The following LSAMP variants were observed in gnomAD, a reference collection of about 807,000 sequenced individuals.
LSAMP encodes limbic system-associated membrane protein.
In LSAMP, 7 loss-of-function variants were observed where a neutral mutation model predicts 38.6. That is an observed-to-expected ratio of 0.18 (90% CI 0.10 to 0.34). LSAMP has a LOEUF of 0.34. Ranked by LOEUF, LSAMP falls within the 10% of genes least tolerant of loss-of-function variation. The pLI is 1.00. For missense variants in LSAMP, 313 were observed against 420.0 expected (o/e 0.75, Z 2.23); for synonymous variants, 154 against 166.8 (o/e 0.92, Z 0.59).
intron 6 of LSAMP, among the ~76,000 whole-genome samples, chr3:115,824,934 G>C (rs1160443490): frequency 6.6e-6 from 1 of 152,000 alleles, no homozygotes; most frequent in Non-Finnish European, 1.5e-5. Flanking sequence ...ATTCTTTCTG[G>C]TCTTACCCCT....
chr3:116,118,027 T>A lies in LSAMP; in HGVS notation c.156-31471A>T, dbSNP rs148214090. ...CTCTGTAGAGAGGGAAAATGCTGGC[T>A]GCCAATACTATGGAGTCTCAGTGGA... On this transcript the variant is annotated intron_variant, in intron 1 of 6. Transcript: ENST00000490035. Among the ~76,000 whole-genome samples the A allele has an allele frequency of 5.8e-3, 880 of 152,318 alleles. 3 individuals carry two copies. The highest frequency in any genetic ancestry group is 9.4e-3 in the Non-Finnish European group (642 of 68,028).
intron 1 of LSAMP, among the ~76,000 whole-genome samples, chr3:116,107,092 G>A (rs544214619): frequency 6.6e-6 from 1 of 152,262 alleles, no homozygotes; most frequent in African/African-American, 2.4e-5. Context: ...TGATCAGGGT[G>A]AGGAACAGGA....
intron 1 of LSAMP, among the ~76,000 whole-genome samples, chr3:116,425,742 T>TAATA (rs201880647): frequency 0.048 from 7,324 of 151,694 alleles, 206 homozygotes; most frequent in Non-Finnish European, 0.067. Context: ...AGTCCATAAA[T>TAATA]AATAAATAAA....
chr3:116,416,397 AC>A (rs1230836471), intron 1 of LSAMP, among the ~76,000 whole-genome samples: 1 of 152,166 alleles, frequency 6.6e-6, no homozygotes, highest in Non-Finnish European at 1.5e-5. Flanking sequence ...TAAACTGAAA[AC>A]CTAGATCATC....
intron 3 of LSAMP, among the ~76,000 whole-genome samples, chr3:115,913,302 C>T (rs995197874): frequency 5.3e-5 from 8 of 152,222 alleles, no homozygotes; most frequent in African/African-American, 1.4e-4. Context: ...CTATGTTTCT[C>T]TCTGACTTCA....
intron 1 of LSAMP, among the ~76,000 whole-genome samples, chr3:116,190,269 A>G (rs1350626298): frequency 6.6e-6 from 1 of 152,100 alleles, no homozygotes; most frequent in Non-Finnish European, 1.5e-5. Flanking sequence ...AAGCATCTAT[A>G]CTTGCAGTGA....
At chr3:115,874,529 T>G (rs981001798) in intron 3 of LSAMP, among the ~76,000 whole-genome samples, 1 of 152,116 alleles carries the variant, frequency 6.6e-6, no homozygotes, top group African/African-American at 2.4e-5. Flanking sequence ...TCCAGGCCCA[T>G]TTATCTATAT....
chr3:116,428,226 G>A (rs376607067), intron 1 of LSAMP, among the ~76,000 whole-genome samples: 23 of 152,090 alleles, frequency 1.5e-4, no homozygotes, highest in African/African-American at 4.8e-4. Flanking sequence ...TTGAGAGGCC[G>A]AGGCAGGCAG....
chr3:115,822,800 C>T (rs1934288832), intron 6 of LSAMP, among the ~76,000 whole-genome samples: 1 of 152,170 alleles, frequency 6.6e-6, no homozygotes. Flanking sequence ...AGATTTGGGC[C>T]AGCAAGGAAT....
chr3:116,204,624 A>G (rs912385119), intron 1 of LSAMP, among the ~76,000 whole-genome samples: 1 of 152,066 alleles, frequency 6.6e-6, no homozygotes, highest in Non-Finnish European at 1.5e-5. Flanking sequence ...CCATATGGCT[A>G]GCCAGTTTTC....
chr3:116,170,614 AC>A (rs1710173675), intron 1 of LSAMP, among the ~76,000 whole-genome samples: 1 of 152,106 alleles, frequency 6.6e-6, no homozygotes, highest in Non-Finnish European at 1.5e-5. Flanking sequence ...AACTTTTCTA[AC>A]CCTCAGTCTG....
intron 1 of LSAMP, among the ~76,000 whole-genome samples, chr3:116,226,338 C>T (rs1447497348): frequency 1.3e-5 from 2 of 152,152 alleles, no homozygotes; most frequent in South Asian, 2.1e-4. Context: ...TGATAAATTG[C>T]CATTTATTTC....
At chr3:116,031,140 A>G (rs1940909657) in intron 2 of LSAMP, among the ~76,000 whole-genome samples, 4 of 152,156 alleles carry the variant, frequency 2.6e-5, no homozygotes, top group African/African-American at 7.2e-5. Flanking sequence ...AAGATTTTAA[A>G]CCAGACAGAA....
At chr3:115,966,743 A>C (rs1403359640) in intron 3 of LSAMP, among the ~76,000 whole-genome samples, 1 of 152,236 alleles carries the variant, frequency 6.6e-6, no homozygotes, top group Non-Finnish European at 1.5e-5. Flanking sequence ...CCATAAGCAT[A>C]ATGTTGAATA....
chr3:115,997,832 T>C lies in LSAMP; in HGVS notation c.514+21683A>G, dbSNP rs960464881. Among the ~76,000 whole-genome samples, 9 of 145,570 alleles carry C rather than the reference T, an allele frequency of 6.2e-5. No homozygotes were observed. In the East Asian group the frequency reaches 1.8e-3, roughly 29 times the overall value. On this transcript the variant is annotated intron_variant, in intron 3 of 6. Transcript: ENST00000490035. ...AATATACTAATATATGTATTTTATATATTAGAATATATATTATGTATTTTA... is the reference window on the plus strand; with the variant it reads ...AATATACTAATATATGTATTTTATACATTAGAATATATATTATGTATTTTA...
chr3:116,377,526 T>G (rs2048509272), intron 1 of LSAMP, among the ~76,000 whole-genome samples: 1 of 152,080 alleles, frequency 6.6e-6, no homozygotes, highest in South Asian at 2.1e-4. Flanking sequence ...TTTTGAATAG[T>G]GCTGCAATAA....
intron 3 of LSAMP, among the ~76,000 whole-genome samples, chr3:116,001,082 CG>C (rs955530867): frequency 6.6e-6 from 1 of 151,950 alleles, no homozygotes; most frequent in Non-Finnish European, 1.5e-5. Context: ...TTATTACTAG[CG>C]GGTGCTTCTG....
chr3:116,155,382 G>A (rs1709721303), intron 1 of LSAMP, among the ~76,000 whole-genome samples: 1 of 151,956 alleles, frequency 6.6e-6, no homozygotes, highest in East Asian at 1.9e-4. Context: ...CCACCACCAT[G>A]CCTGGCTAAT....
intron 1 of LSAMP, among the ~76,000 whole-genome samples, chr3:116,244,096 C>A (rs10934324): frequency 0.25 from 37,634 of 151,932 alleles, 5,318 homozygotes; most frequent in African/African-American, 0.38. Flanking sequence ...AACAGACTTT[C>A]CTCAACTTCC....
Sources: allele counts gnomAD v4.1 joint callset (sites outside exome capture counted in the v4.1 genomes callset), GRCh38; gene constraint gnomAD v4.1.1; transcripts MANE v1.5; gene names NCBI Gene and HGNC (gene_info 2026-07-23, HGNC 2026-07-21).